Variants in FBXO40 observed in about 807,000 individuals in gnomAD.
FBXO40 encodes F-box only protein 40.
A neutral mutation model predicts 49.9 loss-of-function variants in FBXO40; 50 were observed. The observed-to-expected ratio is 1.00, with a 90% CI of 0.80 to 1.27. The LOEUF (loss-of-function observed/expected upper bound fraction) is 1.27, where lower values mean the gene tolerates loss of function less well. Ranked by LOEUF, FBXO40 falls within the 50% of genes most tolerant of loss-of-function variation. The probability of loss-of-function intolerance (pLI) is 0.00; values close to 1 mark genes in which losing one functional copy is unlikely to be tolerated. For synonymous variants in FBXO40, 340 were observed against 320.2 expected (o/e 1.06, Z -0.66); for missense variants, 895 against 870.1 (o/e 1.03, Z -0.36).
chr3:121,613,485 TG>T (rs2048978758), intron 1 of FBXO40, among the ~76,000 whole-genome samples: 1 of 152,190 alleles, frequency 6.6e-6, no homozygotes, highest in African/African-American at 2.4e-5. Context: ...AATGACATTC[TG>T]GGTCTAGAAA....
Position 121,628,145 on chromosome 3 carries a change from A to G in FBXO40, c.*1235A>G. ...AGCAGGGCTTCTTAGCCTTGGAACT[A>G]TTGACATTTTTAAATGGATAATTCT... On this transcript the variant is annotated 3_prime_UTR_variant, in exon 4 of 4. Transcript: ENST00000338040. The G allele has an allele frequency of 5.2e-6, 2 of 386,954 alleles. No individual in the cohort carries two copies. The highest frequency in any genetic ancestry group is 9.1e-6 in the Non-Finnish European group (2 of 219,670). 24.0% of individuals were successfully genotyped at this position (386,954 alleles called of 1,614,324 possible).
rs2049066466 is a variant in FBXO40, at chr3:121,627,119, C to T, written c.*209C>T. 1.9e-6 allele frequency: 1 copy of T among 532,810 alleles called. No homozygotes were observed. The highest frequency in any genetic ancestry group is 3.3e-6 in the Non-Finnish European group (1 of 301,456). 33.0% of individuals were successfully genotyped at this position (532,810 alleles called of 1,614,324 possible). On this transcript the variant is annotated 3_prime_UTR_variant, in exon 4 of 4. Coordinates refer to ENST00000338040, the MANE Select transcript of FBXO40 (RefSeq NM_016298.4). ...TTGTACCATAGTGCCACATTGATGA[C>T]TTGTTTCCTTTTTTCTTTTCTTTTC...
At chr3:121,596,353 G>A (rs1271530696) in intron 1 of FBXO40, among the ~76,000 whole-genome samples, 3 of 152,188 alleles carry the variant, frequency 2.0e-5, no homozygotes, top group African/African-American at 7.2e-5. Context: ...TGGGAGCATA[G>A]GCAAGACATT....
At chr3:121,614,269 C>CAAAAAAAA (rs35824526) in intron 1 of FBXO40, among the ~76,000 whole-genome samples, 2 of 77,642 alleles carry the variant, frequency 2.6e-5, no homozygotes, top group African/African-American at 5.5e-5. Flanking sequence ...GACTCTAGCT[C>CAAAAAAAA]AAAAAAAAAA....
chr3:121,626,582 C>A, intron 3 of FBXO40, 113 bp from the exon 4 acceptor site: 1 of 942,866 alleles, frequency 1.1e-6, no homozygotes, highest in Non-Finnish European at 1.7e-6. Flanking sequence ...ACTAAACACT[C>A]TGGAGTCTAA....
Position 121,622,028 on chromosome 3 carries a change from G to A in FBXO40, c.599G>A (p.Arg200Gln), listed in dbSNP as rs756122429. 1.2e-5 allele frequency: 20 copies of A among 1,614,090 alleles called. No individual in the cohort carries two copies. The highest frequency in any genetic ancestry group is 4.5e-5 in the East Asian group (2 of 44,896). The change falls in exon 3 of 4, where the codon CGG becomes CAG. Residue 200 changes from arginine to glutamine, a missense_variant. By Grantham distance (43) the Arg-to-Gln change is conservative. Coordinates refer to ENST00000338040, the MANE Select transcript of FBXO40 (RefSeq NM_016298.4). Reference protein sequence around the residue: ...GEMAELSQEEREVLAKTKEGM... With the variant: ...GEMAELSQEEQEVLAKTKEGM... ...ATGGCAGAGCTAAGTCAAGAAGAAC[G>A]GGAGGTGCTAGCCAAAACCAAAGAA... is the stretch of plus-strand genomic sequence containing the variant.
chr3:121,601,422 C>T (rs73179950), intron 1 of FBXO40, among the ~76,000 whole-genome samples: 5,442 of 150,634 alleles, frequency 0.036, 153 homozygotes, highest in Non-Finnish European at 0.054. Context: ...AAAAAAAAAG[C>T]GTCTTTGTTA....
intron 1 of FBXO40, among the ~76,000 whole-genome samples, chr3:121,603,004 G>A (rs2048909259): frequency 6.6e-6 from 1 of 152,200 alleles, no homozygotes; most frequent in East Asian, 1.9e-4. Context: ...GACTGGAAAA[G>A]CCAAGATCAA....
intron 1 of FBXO40, among the ~76,000 whole-genome samples, chr3:121,608,481 A>G (rs1361905683): frequency 1.3e-5 from 2 of 152,184 alleles, no homozygotes; most frequent in Non-Finnish European, 2.9e-5. Flanking sequence ...GCTAGAATAA[A>G]TTTGCTCCAT....
intron 1 of FBXO40, among the ~76,000 whole-genome samples, chr3:121,620,104 T>A (rs190806231): frequency 6.6e-4 from 101 of 152,266 alleles, no homozygotes; most frequent in East Asian, 3.9e-4. Flanking sequence ...CAAAGTTAGA[T>A]CTCAGACTAA....
intron 1 of FBXO40, among the ~76,000 whole-genome samples, chr3:121,619,099 G>A (rs2049015457): frequency 1.3e-5 from 2 of 151,820 alleles, no homozygotes; most frequent in South Asian, 2.1e-4. Context: ...AGGCTCAAGC[G>A]ATCCTCCCAC....
At chr3:121,618,868 T>C (rs1028038351) in intron 1 of FBXO40, among the ~76,000 whole-genome samples, 2 of 151,952 alleles carry the variant, frequency 1.3e-5, no homozygotes, top group African/African-American at 4.8e-5. Context: ...AAGTATATTT[T>C]GGTGTTCATT....
rs2049082112 is a variant in FBXO40 at position 121,629,663 on chromosome 3, G to C, written c.*2753G>C. On this transcript the variant is annotated 3_prime_UTR_variant, in exon 4 of 4. Transcript: ENST00000338040. The stretch of plus-strand genomic sequence containing the variant: ...TGCCCACAACTGCTTTGTGGGTTGT[G>C]CACTTCCAGCCGCACTCTCCCCCTC... 1 of 152,212 alleles carries C rather than the reference G, an allele frequency of 6.6e-6. No homozygotes were observed. The highest frequency in any genetic ancestry group is 1.5e-5 in the Non-Finnish European group (1 of 68,052). 9.4% of individuals were successfully genotyped at this position (152,212 alleles called of 1,614,324 possible). A position where few individuals can be genotyped will look rare whatever the true frequency, so the allele number is the denominator to read the frequency against.
chr3:121,603,195 C>T (rs1211170173), intron 1 of FBXO40, among the ~76,000 whole-genome samples: 1 of 152,142 alleles, frequency 6.6e-6, no homozygotes, highest in Non-Finnish European at 1.5e-5. Context: ...AAAGAGTGTC[C>T]TGATCCAGAC....
At chr3:121,595,585 G>A (rs1338598894) in intron 1 of FBXO40, among the ~76,000 whole-genome samples, 4 of 152,196 alleles carry the variant, frequency 2.6e-5, no homozygotes, top group Non-Finnish European at 4.4e-5. Context: ...ATGGATCTGG[G>A]AGAGGGTGGT....
intron 3 of FBXO40, 134 bp downstream of exon 3, chr3:121,623,477 G>T (rs2108851881): frequency 1.4e-6 from 1 of 700,914 alleles, no homozygotes; most frequent in East Asian, 2.7e-5. Flanking sequence ...GGGCTCAAGT[G>T]ATCCTCTTGC....
Position 121,595,079 on chromosome 3 carries a change from T to C in FBXO40, c.-31+1577T>C, listed in dbSNP as rs140382815. Among the ~76,000 whole-genome samples, 13 of 152,300 alleles carry C rather than the reference T, an allele frequency of 8.5e-5. No homozygotes were observed. In the East Asian group the frequency reaches 1.5e-3, roughly 18 times the overall value. ...GGATTCTGTACACTCTGACCTTTGA[T>C]GTGTACAGGCTAAAGCCACCGATGC... On this transcript the variant is annotated intron_variant, in intron 1 of 3. Transcript: ENST00000338040.
intron 1 of FBXO40, among the ~76,000 whole-genome samples, chr3:121,599,718 ATATATATTTT>A (rs1487566754): frequency 1.6e-4 from 14 of 86,928 alleles, no homozygotes; most frequent in South Asian, 3.7e-4. Flanking sequence ...ATATATATAT[ATATATATTTT>A]TTTTTTTTTT....
intron 1 of FBXO40, among the ~76,000 whole-genome samples, chr3:121,606,657 G>T (rs886810258): frequency 3.3e-5 from 5 of 152,138 alleles, no homozygotes; most frequent in African/African-American, 1.2e-4. Context: ...GTTAGGAAAG[G>T]CCTTCCATAT....
Sources: gnomAD v4.1 joint callset for allele counts (sites outside exome capture counted in the v4.1 genomes callset) on GRCh38, gnomAD v4.1.1 for gene constraint, MANE v1.5 for transcripts, NCBI Gene and HGNC (gene_info 2026-07-23, HGNC 2026-07-21) for gene names.